The following NUP98 variants were observed in gnomAD, a reference collection of about 807,000 sequenced individuals.
NUP98 encodes the protein nuclear pore complex protein Nup98-Nup96.
A neutral mutation model predicts 191.9 loss-of-function variants in NUP98; 26 were observed. The observed-to-expected ratio is 0.14, with a 90% CI of 0.10 to 0.19. The LOEUF is 0.19. Ranked by LOEUF, NUP98 falls within the 10% of genes least tolerant of loss-of-function variation. The pLI is 1.00. For synonymous variants in NUP98, 808 were observed against 778.4 expected (o/e 1.04, Z -0.63); for missense variants, 1,941 against 2,178.8 (o/e 0.89, Z 2.17).
At chr11:3,723,560 T>C (rs1368085904) in intron 15 of NUP98, 105 bp from the exon 16 acceptor site, 2 of 842,922 alleles carry the variant, frequency 2.4e-6, no homozygotes, top group African/African-American at 1.7e-5. Context: ...CTGTTCTGGA[T>C]AGTTCCATGT....
intron 30 of NUP98, 52 bp downstream of exon 30, chr11:3,683,148 G>C: frequency 6.2e-7 from 1 of 1,607,840 alleles, no homozygotes; most frequent in Non-Finnish European, 8.5e-7. Flanking sequence ...TGGAGGTTCA[G>C]AGGTTGGAGG....
chr11:3,733,252 G>C (rs547630725), intron 13 of NUP98, among the ~76,000 whole-genome samples: 239 of 152,058 alleles, frequency 1.6e-3, no homozygotes, highest in African/African-American at 5.0e-3. Context: ...GCCTATTCTG[G>C]GTATATCATA....
rs1010726200 is a variant in NUP98 at position 3,797,418 on chromosome 11, G to A, written c.-47C>T. On this transcript the variant is annotated 5_prime_UTR_variant, in exon 1 of 33. Transcript: ENST00000324932. ...GACTTACCGCGGTTCGGTGGGGAAG[G>A]GGAAGTGTCAGGAGTCCCCTGCTGC... The A allele has an allele frequency of 9.9e-6, 4 of 404,500 alleles. No individual in the cohort carries two copies. The highest frequency in any genetic ancestry group is 1.7e-5 in the Non-Finnish European group (4 of 229,230). The allele number at this position is 404,500 out of a possible 1,614,324, so 25.1% of individuals were successfully genotyped here. A position where few individuals can be genotyped will look rare whatever the true frequency, so the allele number is the denominator to read the frequency against.
At chr11:3,692,840 A>T (rs2078362201) in intron 27 of NUP98, among the ~76,000 whole-genome samples, 1 of 152,224 alleles carries the variant, frequency 6.6e-6, no homozygotes, top group South Asian at 2.1e-4. Flanking sequence ...CAGTAAGATA[A>T]TTCAAGAACT....
chr11:3,723,033 TG>T, intron 16 of NUP98, 123 bp downstream of exon 16: 1 of 823,238 alleles, frequency 1.2e-6, no homozygotes, highest in Non-Finnish European at 1.9e-6. Flanking sequence ...CTCTCCTATG[TG>T]GGATCACATA....
intron 28 of NUP98, among the ~76,000 whole-genome samples, chr11:3,689,033 A>G (rs2134044443): frequency 6.6e-6 from 1 of 152,094 alleles, no homozygotes; most frequent in East Asian, 1.9e-4. Context: ...CAGGAGCTTG[A>G]GAACAGCCTG....
rs1025969468 is a variant in NUP98 at position 3,780,095 on chromosome 11, T to C, written c.77-838A>G. 2.0e-5 allele frequency among the ~76,000 whole-genome samples: 3 copies of C among 152,206 alleles called. No homozygotes were observed. The South Asian group carries it at 6.2e-4, about 31-fold the overall frequency. The stretch of plus-strand genomic sequence containing the variant: ...GTTCAGGTTTCAACTCCAGAGATTC[T>C]AATTCCATAGTTTTTGATGAGAGAT... On this transcript the variant is annotated intron_variant, in intron 2 of 32. Transcript: ENST00000324932.
intron 30 of NUP98, among the ~76,000 whole-genome samples, chr11:3,682,441 A>G (rs1257999287): frequency 6.6e-6 from 1 of 152,162 alleles, no homozygotes; most frequent in Non-Finnish European, 1.5e-5. Context: ...TCACTTGAAC[A>G]TATTTAGAGG....
In NUP98 at chr11:3,731,416, G is replaced by C. The variant is rs771434762; in HGVS notation, c.1705C>G (p.Leu569Val). Residue 569 changes from leucine (L) to valine (V), a missense_variant, in exon 14 of 33, where the codon CTA (leucine) becomes GTA (valine). Leu to Val is a conservative substitution (Grantham distance 32). Around this residue, in one of 6 missense-constraint regions of NUP98, gnomAD observed 453 missense variants for 438.2 expected, o/e 1.03. Transcript: ENST00000324932. The part of the protein sequence containing the change: ...FDGLDDDEPS[L>V]ANGAFMPKKS... ...TTGGGCATGAATGCTCCATTGGCTA[G>C]GGATGGTTCATCGTCATCCAGCCCA... 46 of 1,600,742 alleles carry C rather than the reference G, an allele frequency of 2.9e-5. No individual in the cohort carries two copies. Among genetic ancestry groups the C allele is most frequent in the Non-Finnish European group, 3.7e-5 (43 of 1,172,902 alleles).
In NUP98 at chr11:3,720,604, G is replaced by A; in HGVS notation, c.2260+108C>T. The A allele has an allele frequency of 8.7e-6, 5 of 576,518 alleles. 1 individual carries two copies. Among genetic ancestry groups the A allele is most frequent in the South Asian group, 7.7e-5 (3 of 39,048 alleles). The allele number at this position is 576,518 out of a possible 1,614,324, so 35.7% of individuals were successfully genotyped here. On this transcript the variant is annotated intron_variant, in intron 17 of 32. Transcript: ENST00000324932. ...AAGTATTTAAGATTCAGGCCAAGGT[G>A]GGCCCAAATGTAGGAAAATGAAGAT...
In NUP98 at chr11:3,676,548, T is replaced by G. The variant is rs200180211; in HGVS notation, c.5146A>C (p.Ile1716Leu). ...VTSLCSRIEQ[I>L]QCYSAKDRLA... ...CGATCTTTAGCACTGTAACACTGAA[T>G]CTGCTCTATCCGACTGCACAGTGAA... is the stretch of plus-strand genomic sequence containing the variant. Residue 1716 changes from isoleucine (I) to leucine (L), a missense_variant, in exon 32 of 33, where the codon ATT becomes CTT. Transcript: ENST00000324932. 1.5e-5 allele frequency: 24 copies of G among 1,614,186 alleles called. No individual in the cohort carries two copies. The highest frequency in any genetic ancestry group is 2.0e-5 in the Non-Finnish European group (24 of 1,180,032).
rs756941941 is a variant in NUP98 at position 3,723,150 on chromosome 11, A to G, written c.2146+7T>C. Reference sequence around the variant, plus strand: ...AGAGATTAAACATGCACCAATCTGAACCTGACCTGCTGGGTGCATATGGTA... The same window carrying G: ...AGAGATTAAACATGCACCAATCTGAGCCTGACCTGCTGGGTGCATATGGTA... On this transcript the variant is annotated splice_region_variant and intron_variant, in intron 16 of 32. Transcript: ENST00000324932. 1.2e-6 allele frequency: 2 copies of G among 1,612,704 alleles called. No individual in the cohort carries two copies. Among genetic ancestry groups the G allele is most frequent in the African/African-American group, 2.7e-5 (2 of 74,844 alleles).
rs76908481 is a variant in NUP98, at chr11:3,699,423, G to T, written c.3743-75C>A. ...CTTCACAGAGGGCATCCTTCTAACT[G>T]TGATGTTAAAAATACATAAATTAAT... On this transcript the variant is annotated intron_variant, in intron 24 of 32. Transcript: ENST00000324932. 2.6e-3 allele frequency: 3,929 copies of T among 1,509,858 alleles called. 86 individuals carry two copies. The African/African-American group carries it at 0.049, about 19-fold the overall frequency. The allele number at this position is 1,509,858 out of a possible 1,614,324, so 93.5% of individuals were successfully genotyped here. A position where few individuals can be genotyped will look rare whatever the true frequency, so the allele number is the denominator to read the frequency against.
chr11:3,777,922 G>C (rs1392702102), intron 4 of NUP98, among the ~76,000 whole-genome samples: 5 of 151,988 alleles, frequency 3.3e-5, no homozygotes, highest in African/African-American at 9.7e-5. Context: ...TGGCAGGCCA[G>C]GCGCGGTGGC....
intron 8 of NUP98, among the ~76,000 whole-genome samples, chr11:3,768,267 A>G (rs986295731): frequency 6.6e-6 from 1 of 152,000 alleles, no homozygotes; most frequent in Non-Finnish European, 1.5e-5. Flanking sequence ...TAAAAACACA[A>G]AAAATTAGCT....
intron 14 of NUP98, 132 bp downstream of exon 14, chr11:3,731,259 G>A (rs995715246): frequency 7.2e-6 from 4 of 555,896 alleles, no homozygotes; most frequent in Admixed American, 4.2e-5. Context: ...GTAAGACTCT[G>A]TCTCAAAAAC....
intron 10 of NUP98, among the ~76,000 whole-genome samples, chr11:3,754,161 G>A (rs1488941616): frequency 6.6e-6 from 1 of 152,200 alleles, no homozygotes; most frequent in Non-Finnish European, 1.5e-5. Flanking sequence ...AGGTGTGGTG[G>A]CTTACGCCTG....
chr11:3,681,547 C>T (rs1225803726), intron 30 of NUP98, among the ~76,000 whole-genome samples: 5 of 152,160 alleles, frequency 3.3e-5, no homozygotes, highest in Non-Finnish European at 7.3e-5. Context: ...CCTCCTTATA[C>T]GTCTTCATCA....
At chr11:3,787,015 A>G (rs1332867768) in intron 1 of NUP98, among the ~76,000 whole-genome samples, 1 of 152,260 alleles carries the variant, frequency 6.6e-6, no homozygotes, top group African/African-American at 2.4e-5. Context: ...TACTTTACAA[A>G]GCATTTTTTC....
Sources: allele counts gnomAD v4.1 joint callset (sites outside exome capture counted in the v4.1 genomes callset), GRCh38; gene constraint gnomAD v4.1.1; regional missense constraint gnomAD v4.1.1; transcripts MANE v1.5; gene names NCBI Gene and HGNC (gene_info 2026-07-23, HGNC 2026-07-21).